Variants in MAGI1 observed in about 807,000 individuals in gnomAD.
MAGI1 encodes the protein membrane-associated guanylate kinase, WW and PDZ domain-containing protein 1.
A neutral mutation model predicts 139.9 loss-of-function variants in MAGI1; 58 were observed. The ratio of observed to expected loss-of-function variants is 0.41; its 90% CI spans 0.34 to 0.52. MAGI1 has a LOEUF of 0.52. Ranked by LOEUF, MAGI1 falls within the 20% of genes least tolerant of loss-of-function variation. MAGI1 has a pLI of 0.12. For missense variants in MAGI1, 1,874 were observed against 1,901.6 expected, an observed-to-expected ratio of 0.99 and a Z score of 0.27; for synonymous variants, 812 against 737.9, an observed-to-expected ratio of 1.10 and a Z score of -1.63.
intron 1 of MAGI1, among the ~76,000 whole-genome samples, chr3:65,805,989 G>A (rs2040829747): frequency 6.6e-6 from 1 of 151,924 alleles, no homozygotes; most frequent in Admixed American, 6.6e-5. Flanking sequence ...ATAGATGCAG[G>A]GCTTAATACC....
chr3:66,015,008 A>G (rs1183908440), intron 1 of MAGI1, among the ~76,000 whole-genome samples: 1 of 152,062 alleles, frequency 6.6e-6, no homozygotes, highest in Non-Finnish European at 1.5e-5. Flanking sequence ...GAATGCCTGC[A>G]GCACTGTTTA....
At chr3:65,969,926 T>C (rs1009448253) in intron 1 of MAGI1, among the ~76,000 whole-genome samples, 2 of 152,208 alleles carry the variant, frequency 1.3e-5, no homozygotes. Context: ...TTTAGAACAG[T>C]TGCCAGCATA....
At chr3:66,029,237 G>A (rs28653378) in intron 1 of MAGI1, among the ~76,000 whole-genome samples, 84,972 of 151,910 alleles carry the variant, frequency 0.56, 25,186 homozygotes, top group East Asian at 0.86. Flanking sequence ...GCAGTACTAC[G>A]GTCCTGATGA....
intron 1 of MAGI1, among the ~76,000 whole-genome samples, chr3:65,796,780 C>A (rs993843060): frequency 1.2e-4 from 18 of 152,140 alleles, no homozygotes; most frequent in African/African-American, 4.3e-4. Context: ...TGCTCTCTAC[C>A]CTAACCTCTC....
rs565497988 is a variant in MAGI1 at position 65,892,185 on chromosome 3, T to C, written c.313+145811A>G. Among the ~76,000 whole-genome samples, 22 of 152,000 alleles carry C rather than the reference T, an allele frequency of 1.4e-4. No homozygotes were observed. In the East Asian group the frequency reaches 4.1e-3, roughly 28 times the overall value. ...TGATCACAGCCTGATGGGCAGCCAATGGGCAAATTCCCTCAAGGTTCAGTG... is the reference window on the plus strand; with the variant it reads ...TGATCACAGCCTGATGGGCAGCCAACGGGCAAATTCCCTCAAGGTTCAGTG... On this transcript the variant is annotated intron_variant, in intron 1 of 22. Coordinates refer to ENST00000402939, the MANE Select transcript of MAGI1 (RefSeq NM_001033057.2).
At chr3:65,714,436 C>T (rs1449378749) in intron 1 of MAGI1, among the ~76,000 whole-genome samples, 2 of 152,090 alleles carry the variant, frequency 1.3e-5, no homozygotes, top group African/African-American at 2.4e-5. Context: ...GCAAAGCAAA[C>T]TCAGTGTGTA....
intron 1 of MAGI1, among the ~76,000 whole-genome samples, chr3:65,985,291 GCT>G (rs2065822942): frequency 6.6e-6 from 1 of 152,228 alleles, no homozygotes; most frequent in Non-Finnish European, 1.5e-5. Context: ...AAGCATTCAA[GCT>G]GACACCTTGT....
chr3:65,932,705 C>T (rs779078267), intron 1 of MAGI1, among the ~76,000 whole-genome samples: 1 of 151,894 alleles, frequency 6.6e-6, no homozygotes, highest in Non-Finnish European at 1.5e-5. Context: ...CTTCCAAATT[C>T]CACCTCGTAG....
intron 6 of MAGI1, among the ~76,000 whole-genome samples, chr3:65,450,180 G>C (rs1009470293): frequency 2.0e-5 from 3 of 152,142 alleles, no homozygotes; most frequent in Admixed American, 1.3e-4. Flanking sequence ...AACCTAGAGA[G>C]GCTGACCACA....
chr3:65,635,018 CAT>C (rs1485303154), intron 1 of MAGI1, among the ~76,000 whole-genome samples: 1 of 151,980 alleles, frequency 6.6e-6, no homozygotes, highest in Non-Finnish European at 1.5e-5. Flanking sequence ...GATGGGAGTA[CAT>C]GTTTTGTTGT....
At chr3:65,727,054 G>T (rs1477928152) in intron 1 of MAGI1, among the ~76,000 whole-genome samples, 1 of 151,918 alleles carries the variant, frequency 6.6e-6, no homozygotes, top group African/African-American at 2.4e-5. Flanking sequence ...AATGTTAACA[G>T]GAATTTGGAA....
chr3:65,451,670 G>C (rs1450626384), intron 6 of MAGI1, among the ~76,000 whole-genome samples: 1 of 152,046 alleles, frequency 6.6e-6, no homozygotes, highest in East Asian at 1.9e-4. Context: ...TTTAAGACAG[G>C]GTCTCTCTCT....
chr3:65,480,414 T>C (rs1320744043), intron 3 of MAGI1, among the ~76,000 whole-genome samples: 1 of 151,824 alleles, frequency 6.6e-6, no homozygotes, highest in Admixed American at 6.6e-5. Context: ...TCTCCTGTAG[T>C]CCCAGCTACT....
chr3:65,560,271 G>A (rs771043253), intron 2 of MAGI1, among the ~76,000 whole-genome samples: 4 of 152,222 alleles, frequency 2.6e-5, no homozygotes, highest in South Asian at 2.1e-4. Flanking sequence ...AATTAAAAGC[G>A]TCCATTATGA....
intron 2 of MAGI1, among the ~76,000 whole-genome samples, chr3:65,515,974 A>G (rs1554664): frequency 0.86 from 130,690 of 152,170 alleles, 56,240 homozygotes; most frequent in East Asian, 0.97. Flanking sequence ...ACAGGGGCAC[A>G]GGGAATTGAA....
intron 10 of MAGI1, 77 bp downstream of exon 10, chr3:65,437,078 C>T (rs1947908892): frequency 4.3e-6 from 4 of 927,566 alleles, no homozygotes; most frequent in Non-Finnish European, 5.0e-6. Flanking sequence ...TTACGAGATT[C>T]CACTTTTCAA....
chr3:65,619,843 AT>A (rs2083573324), intron 2 of MAGI1: 1 of 984,348 alleles, frequency 1.0e-6, no homozygotes, highest in African/African-American at 1.7e-5. Flanking sequence ...TGTAAAATGA[AT>A]TGTTACCTGT....
chr3:65,691,417 C>A (rs556479110), intron 1 of MAGI1, among the ~76,000 whole-genome samples: 3 of 152,142 alleles, frequency 2.0e-5, no homozygotes, highest in East Asian at 1.9e-4. Context: ...ATAGCAAAAA[C>A]CACAATTACT....
intron 1 of MAGI1, among the ~76,000 whole-genome samples, chr3:65,884,594 C>CT (rs1331871313): frequency 2.0e-5 from 3 of 151,968 alleles, no homozygotes; most frequent in Admixed American, 6.6e-5. Flanking sequence ...ATTTTCTTTT[C>CT]TTTTTTCTTT....
Sources: allele counts gnomAD v4.1 joint callset (sites outside exome capture counted in the v4.1 genomes callset), GRCh38; gene constraint gnomAD v4.1.1; transcripts MANE v1.5; gene names NCBI Gene and HGNC (gene_info 2026-07-23, HGNC 2026-07-21).